The following DAB2IP variants were observed in gnomAD, a reference collection of about 807,000 sequenced individuals.
DAB2IP encodes disabled homolog 2-interacting protein.
Under a neutral mutation model 107.2 loss-of-function variants are expected in DAB2IP, and 28 were observed. The observed-to-expected ratio is 0.26, with a 90% CI of 0.19 to 0.36. The LOEUF is 0.36. Among genes scored for constraint, DAB2IP ranks in the 10% least tolerant of loss-of-function variants. The pLI is 1.00. For synonymous variants in DAB2IP, 755 were observed against 706.4 expected, an observed-to-expected ratio of 1.07 and a Z score of -1.09; for missense variants, 1,400 against 1,644.7, an observed-to-expected ratio of 0.85 and a Z score of 2.57.
chr9:121,687,753 C>T (rs1405344986), intron 2 of DAB2IP, among the ~76,000 whole-genome samples: 1 of 152,214 alleles, frequency 6.6e-6, no homozygotes, highest in Non-Finnish European at 1.5e-5. Context: ...TAGAAGGTGA[C>T]AAAATCAAGG....
chr9:121,716,631 G>C (rs898541255), intron 3 of DAB2IP, among the ~76,000 whole-genome samples: 1 of 152,184 alleles, frequency 6.6e-6, no homozygotes. Context: ...ACCCCAGTGT[G>C]CTGCCAGGAG....
intron 3 of DAB2IP, chr9:121,742,715 T>A (rs1210314428): frequency 1.0e-6 from 1 of 985,520 alleles, no homozygotes; most frequent in African/African-American, 1.7e-5. Flanking sequence ...CTTGGTTCCC[T>A]GCACCTGCCT....
chr9:121,701,382 A>G lies in DAB2IP; in HGVS notation c.362+1924A>G, dbSNP rs1307455420. On this transcript the variant is annotated intron_variant, in intron 3 of 15. Transcript: ENST00000408936. This position sits in a 1 kb window ranked among gnomAD's most constrained non-coding sequence, Gnocchi z 4.7. ...CTTGCCACATGCTGAAGGGGCGCAG[A>G]GTGGGGGTTGGGAGTGAAACTACAA... 1.3e-5 allele frequency among the ~76,000 whole-genome samples: 2 copies of G among 152,172 alleles called. No homozygotes were observed. The highest frequency in any genetic ancestry group is 4.8e-5 in the African/African-American group (2 of 41,448).
rs1835707925 is a variant in DAB2IP at position 121,782,159 on chromosome 9, T to A, written c.3403-172T>A. On this transcript the variant is annotated intron_variant, in intron 15 of 15. Coordinates refer to ENST00000408936, the Ensembl canonical transcript of DAB2IP. This position sits in a 1 kb window ranked among gnomAD's most constrained non-coding sequence, Gnocchi z 6.1. ...CTGATAAGCAGGCAGCGAGGCTGTGTCCATGATGCTGCAGAGGCCTCTGCC... is the reference window on the plus strand; with the variant it reads ...CTGATAAGCAGGCAGCGAGGCTGTGACCATGATGCTGCAGAGGCCTCTGCC... 6.6e-6 allele frequency among the ~76,000 whole-genome samples: 1 copy of A among 152,072 alleles called. No individual in the cohort carries two copies. The highest frequency in any genetic ancestry group is 1.5e-5 in the Non-Finnish European group (1 of 67,994).
chr9:121,588,225 C>G (rs1214938102), intron 1 of DAB2IP, among the ~76,000 whole-genome samples: 2 of 152,134 alleles, frequency 1.3e-5, no homozygotes, highest in Admixed American at 6.5e-5. Flanking sequence ...CTGACCTCCT[C>G]CCCACCCCAA....
At chr9:121,586,510 G>T (rs1200680680) in intron 1 of DAB2IP, among the ~76,000 whole-genome samples, 3 of 152,086 alleles carry the variant, frequency 2.0e-5, no homozygotes, top group Middle Eastern at 3.2e-3. Flanking sequence ...CAAGGGAGCT[G>T]GTTTGTCCCC....
intron 1 of DAB2IP, among the ~76,000 whole-genome samples, chr9:121,582,837 C>T (rs1206603117): frequency 6.6e-6 from 1 of 152,230 alleles, no homozygotes; most frequent in East Asian, 1.9e-4. Flanking sequence ...TTTTGCTCAC[C>T]ACTGCCTCCA....
At chr9:121,759,158 C>T (rs1587967401) in intron 5 of DAB2IP, among the ~76,000 whole-genome samples, 162 bp downstream of exon 5, 1 of 152,148 alleles carries the variant, frequency 6.6e-6, no homozygotes, top group East Asian at 1.9e-4. Flanking sequence ...CTGAAAGAGA[C>T]GTTTGAGTTG....
At chr9:121,729,902 C>T (rs1589596462) in intron 3 of DAB2IP, among the ~76,000 whole-genome samples, 1 of 152,168 alleles carries the variant, frequency 6.6e-6, no homozygotes, top group Admixed American at 6.5e-5. Flanking sequence ...TTCAGTTCAC[C>T]TCAGACTCCT....
At chr9:121,708,753 T>C (rs1298665254) in intron 3 of DAB2IP, among the ~76,000 whole-genome samples, 8 of 152,248 alleles carry the variant, frequency 5.3e-5, no homozygotes, top group Admixed American at 5.2e-4. Context: ...GTCCGCCAAG[T>C]CAAATTCCAC....
intron 2 of DAB2IP, among the ~76,000 whole-genome samples, chr9:121,685,938 A>G (rs1828857101): frequency 6.6e-6 from 1 of 152,206 alleles, no homozygotes. Flanking sequence ...GCGACAAGAG[A>G]TCCACGGCAG....
intron 1 of DAB2IP, among the ~76,000 whole-genome samples, chr9:121,622,760 C>T (rs1176820134): frequency 6.6e-6 from 1 of 152,200 alleles, no homozygotes; most frequent in African/African-American, 2.4e-5. Flanking sequence ...CCCCTGCCCC[C>T]AGGAGGGAGG....
chr9:121,720,139 G>C (rs1830837508), intron 3 of DAB2IP, among the ~76,000 whole-genome samples: 1 of 152,208 alleles, frequency 6.6e-6, no homozygotes, highest in African/African-American at 2.4e-5. Flanking sequence ...CAGCCAAAAG[G>C]TGGGGCTCTT....
chr9:121,641,903 T>TTCTC (rs768458871), intron 1 of DAB2IP, among the ~76,000 whole-genome samples: 1 of 83,412 alleles, frequency 1.2e-5, no homozygotes, highest in African/African-American at 3.8e-5. Context: ...CTTTCTTTCT[T>TTCTC]TCTTTCTTTC....
At chr9:121,640,189 G>C (rs1462981726) in intron 1 of DAB2IP, among the ~76,000 whole-genome samples, 1 of 152,174 alleles carries the variant, frequency 6.6e-6, no homozygotes, top group Non-Finnish European at 1.5e-5. Flanking sequence ...CTTTATCCTA[G>C]GGCTCCATAG....
intron 1 of DAB2IP, among the ~76,000 whole-genome samples, chr9:121,597,487 T>C (rs1430509118): frequency 3.3e-5 from 5 of 152,232 alleles, no homozygotes; most frequent in Non-Finnish European, 7.3e-5. Context: ...ACCCTTGGGC[T>C]AATACCAGAT....
intron 10 of DAB2IP, 128 bp from the exon 11 acceptor site, chr9:121,770,418 T>C: frequency 9.7e-7 from 1 of 1,033,218 alleles, no homozygotes; most frequent in Non-Finnish European, 1.4e-6. Flanking sequence ...TGGCTCTGAC[T>C]GGCAGCAGGT....
At chr9:121,585,386 A>T (rs1452342651) in intron 1 of DAB2IP, among the ~76,000 whole-genome samples, 1 of 152,200 alleles carries the variant, frequency 6.6e-6, no homozygotes, top group Non-Finnish European at 1.5e-5. Context: ...CAGTTTTCTC[A>T]TCTGCAAAAT....
chr9:121,770,865 T>C, intron 11 of DAB2IP, 141 bp downstream of exon 11: 2 of 1,159,990 alleles, frequency 1.7e-6, no homozygotes, highest in Non-Finnish European at 2.4e-6. Flanking sequence ...GTACAGGTCC[T>C]AAGTGGTGAA....
Sources: gnomAD v4.1 joint callset for allele counts (sites outside exome capture counted in the v4.1 genomes callset) on GRCh38, gnomAD v4.1.1 for gene constraint, Gnocchi (gnomAD v3.1) non-coding constraint, MANE v1.5 for transcripts, NCBI Gene and HGNC (gene_info 2026-07-23, HGNC 2026-07-21) for gene names.